PSMG4: variants seen among roughly 807,000 people sequenced by gnomAD.
PSMG4 encodes proteasome assembly chaperone 4, also known as proteasome (prosome, macropain) assembly chaperone 4.
A neutral mutation model predicts 11.0 loss-of-function variants in PSMG4; 10 were observed. The observed-to-expected ratio is 0.91, with a 90% confidence interval of 0.56 to 1.54. The LOEUF is 1.54. Ranked by LOEUF, PSMG4 falls within the 40% of genes most tolerant of loss-of-function variation. The probability of loss-of-function intolerance (pLI) is 0.00; values close to 1 mark genes in which losing one functional copy is unlikely to be tolerated. For synonymous variants in PSMG4, 95 were observed against 71.3 expected (o/e 1.33, Z -1.68); for missense variants, 198 against 160.9 (o/e 1.23, Z -1.25).
In PSMG4 at chr6:3,261,212, T is replaced by C. The variant is rs574114958; in HGVS notation, c.174+2016T>C. On this transcript the variant is annotated intron_variant, in intron 1 of 2. Transcript: ENST00000438998. ...GAAGGAGATGGCATCTGGATTCCTT[T>C]CTTGCTTTTCTTTTCCTTTTCCTTT... 3.9e-5 allele frequency among the ~76,000 whole-genome samples: 4 copies of C among 101,656 alleles called. No homozygotes were observed. The South Asian group carries it at 1.4e-3, about 35-fold the overall frequency. The allele number at this position is 101,656 out of a possible 152,430, so 66.7% of individuals were successfully genotyped here.
chr6:3,257,679 C>T (rs1018822533), upstream of PSMG4, among the ~76,000 whole-genome samples: 1 of 152,136 alleles, frequency 6.6e-6, no homozygotes, highest in Non-Finnish European at 1.5e-5. Flanking sequence ...TGATACAAAA[C>T]TCTGGAAAAT....
intron 2 of PSMG4, chr6:3,265,192 A>C (rs7758968): frequency 0.83 from 126,237 of 152,020 alleles, 52,686 homozygotes; most frequent in Non-Finnish European, 0.87. Context: ...TCTTAAGGGA[A>C]TGGTGCTGCA....
chr6:3,261,875 G>C (rs1758004030), intron 1 of PSMG4, among the ~76,000 whole-genome samples: 1 of 152,182 alleles, frequency 6.6e-6, no homozygotes, highest in South Asian at 2.1e-4. Context: ...TAGAGACTTT[G>C]TAATCCATAA....
Position 3,268,018 on chromosome 6 carries a change from C to T in PSMG4, c.*306C>T, listed in dbSNP as rs1133553. 911 of 226,184 alleles carry T rather than the reference C, an allele frequency of 4.0e-3. 12 individuals carry two copies. The highest frequency in any genetic ancestry group is 0.019 in the African/African-American group (856 of 44,658). The allele number at this position is 226,184 out of a possible 1,614,324, so 14.0% of individuals were successfully genotyped here. On this transcript the variant is annotated 3_prime_UTR_variant, in exon 3 of 3. Coordinates refer to ENST00000438998, the MANE Select transcript of PSMG4 (RefSeq NM_001128591.2). ...ATCAGACATGACTGTGACGTGCATCCTCAATTAGAATTAAAGTGATGTATA... is the reference window on the plus strand; with the variant it reads ...ATCAGACATGACTGTGACGTGCATCTTCAATTAGAATTAAAGTGATGTATA...
chr6:3,254,432 G>A (rs1032136029), upstream of PSMG4, among the ~76,000 whole-genome samples: 4 of 139,744 alleles, frequency 2.9e-5, no homozygotes, highest in Admixed American at 7.6e-5. Flanking sequence ...GTATGGCTTT[G>A]TGCTGTAATA....
chr6:3,254,928 TC>T, upstream of PSMG4: 14 of 1,110,752 alleles, frequency 1.3e-5, no homozygotes, highest in South Asian at 1.6e-5. Context: ...CTTCAGCCAT[TC>T]TCTCACTGGG....
chr6:3,254,715 A>G (rs1422461907), upstream of PSMG4, among the ~76,000 whole-genome samples: 1 of 152,194 alleles, frequency 6.6e-6, no homozygotes, highest in South Asian at 2.1e-4. Flanking sequence ...ATGCGCCTGG[A>G]CACCAGAAAA....
chr6:3,256,012 G>C (rs1282073300), upstream of PSMG4, among the ~76,000 whole-genome samples: 2 of 152,198 alleles, frequency 1.3e-5, no homozygotes, highest in Non-Finnish European at 2.9e-5. Flanking sequence ...TTGCTTCTTG[G>C]TTGGGTTTAT....
chr6:3,266,450 T>G (rs13201372), intron 2 of PSMG4: 1 of 152,054 alleles, frequency 6.6e-6, no homozygotes, highest in Non-Finnish European at 1.5e-5. Flanking sequence ...GAGGTGGGGG[T>G]GGGTCAGTGC....
At position 3,267,975 on chromosome 6, in the gene PSMG4, T is replaced by A; in HGVS notation, c.*263T>A. The A allele has an allele frequency of 3.1e-6, 1 of 324,310 alleles. No individual in the cohort carries two copies. Among genetic ancestry groups the A allele is most frequent in the South Asian group, 4.5e-5 (1 of 22,296 alleles). The allele number at this position is 324,310 out of a possible 1,614,324, so 20.1% of individuals were successfully genotyped here. ...TGGGATTTTTGTTGGGATTGAAGACTGTAATCTAAGAGTTTCAATCAGACA... is the reference window on the plus strand; with the variant it reads ...TGGGATTTTTGTTGGGATTGAAGACAGTAATCTAAGAGTTTCAATCAGACA... On this transcript the variant is annotated 3_prime_UTR_variant, in exon 3 of 3. Transcript: ENST00000438998.
chr6:3,262,506 A>G (rs1352441706), intron 1 of PSMG4, among the ~76,000 whole-genome samples: 1 of 152,046 alleles, frequency 6.6e-6, no homozygotes, highest in Non-Finnish European at 1.5e-5. Flanking sequence ...GTGTTTTTTG[A>G]TCTCCTGCCT....
rs967038904 is a variant in PSMG4, at chr6:3,261,646, G to A, written c.175-2038G>A. 2.0e-5 allele frequency among the ~76,000 whole-genome samples: 3 copies of A among 152,232 alleles called. 1 individual carries two copies. The highest frequency in any genetic ancestry group is 7.2e-5 in the African/African-American group (3 of 41,460). On this transcript the variant is annotated intron_variant, in intron 1 of 2. Coordinates refer to ENST00000438998, the MANE Select transcript of PSMG4 (RefSeq NM_001128591.2). Reference sequence around the variant, plus strand: ...TCCAGTCCCTCTCACTGGCCGCAGTGTGCCTGGGTGTTCTCTCCAGGGGCA... The same window carrying A: ...TCCAGTCCCTCTCACTGGCCGCAGTATGCCTGGGTGTTCTCTCCAGGGGCA...
At chr6:3,255,604 C>A (rs1036075577), upstream of PSMG4, among the ~76,000 whole-genome samples, 7 of 152,194 alleles carry the variant, frequency 4.6e-5, no homozygotes, top group African/African-American at 1.7e-4. Context: ...CTGAGTGAGG[C>A]AGAAGTGCAG....
upstream of PSMG4, among the ~76,000 whole-genome samples, chr6:3,254,892 G>GT (rs572441556): frequency 2.1e-3 from 322 of 151,248 alleles, no homozygotes; most frequent in African/African-American, 7.5e-3. Flanking sequence ...CTCCGACCTT[G>GT]TAAGTGAATG....
At chr6:3,259,604 A>G (rs1382323428) in intron 1 of PSMG4, among the ~76,000 whole-genome samples, 1 of 152,200 alleles carries the variant, frequency 6.6e-6, no homozygotes, top group Non-Finnish European at 1.5e-5. Flanking sequence ...GGCACACATC[A>G]GGCTCTCTTC....
At chr6:3,255,184 G>A (rs540577981), upstream of PSMG4, 13 of 1,550,636 alleles carry the variant, frequency 8.4e-6, no homozygotes, top group East Asian at 3.2e-4. Context: ...TGTGCGCTCT[G>A]GTGGAAGTAG....
At chr6:3,255,248 TG>T (rs1757719637), upstream of PSMG4, 1 of 1,548,444 alleles carries the variant, frequency 6.5e-7, no homozygotes, top group Non-Finnish European at 8.7e-7. Context: ...TCCATGCTGT[TG>T]GGTTCTGTGT....
chr6:3,255,200 T>G (rs767652722), upstream of PSMG4: 22 of 1,550,284 alleles, frequency 1.4e-5, no homozygotes, highest in Non-Finnish European at 1.7e-5. Context: ...AGTAGGATGT[T>G]TGGTGGCAGC....
Position 3,260,275 on chromosome 6 carries a change from T to TTATATATATA in PSMG4, c.174+1080_174+1081insATATATATAT, listed in dbSNP as rs1261021278. On this transcript the variant is annotated intron_variant, in intron 1 of 2. Transcript: ENST00000438998. ...TACTCCAGTATAACCTTGTCTTAAA[T>TTATATATATA]TGTATATATATATATATTTTTTTTT... Among the ~76,000 whole-genome samples the TTATATATATA allele has an allele frequency of 3.3e-4, 23 of 69,082 alleles. 2 individuals are homozygous for TTATATATATA. The highest frequency in any genetic ancestry group is 1.4e-3 in the African/African-American group (22 of 16,168). 45.3% of individuals were successfully genotyped at this position (69,082 alleles called of 152,430 possible). A position where few individuals can be genotyped will look rare whatever the true frequency, so the allele number is the denominator to read the frequency against.
Sources: gnomAD v4.1 joint callset for allele counts (sites outside exome capture counted in the v4.1 genomes callset) on GRCh38, gnomAD v4.1.1 for gene constraint, MANE v1.5 for transcripts, NCBI Gene and HGNC (gene_info 2026-07-23, HGNC 2026-07-21) for gene names.